PGF: variants seen among roughly 807,000 people sequenced by gnomAD.
PGF encodes the protein placenta growth factor.
A neutral mutation model predicts 25.3 loss-of-function variants in PGF; 11 were observed. The observed-to-expected ratio is 0.43, with a 90% CI of 0.27 to 0.72. PGF has a LOEUF of 0.72. PGF is among the 30% of genes least tolerant of loss of function. The probability of loss-of-function intolerance (pLI) is 0.18; values close to 1 mark genes in which losing one functional copy is unlikely to be tolerated. For missense variants in PGF, 230 were observed against 234.9 expected, an observed-to-expected ratio of 0.98 and a Z score of 0.14; for synonymous variants, 105 against 97.9, an observed-to-expected ratio of 1.07 and a Z score of -0.43.
intron 6 of PGF, chr14:74,945,929 T>A (rs1236467929): frequency 4.1e-6 from 2 of 491,694 alleles, no homozygotes; most frequent in East Asian, 6.8e-5. Context: ...TGACTGAATG[T>A]TTGCTGGACC....
chr14:74,947,167 T>C, intron 4 of PGF: 1 of 410,880 alleles, frequency 2.4e-6, no homozygotes. Context: ...CCTCTCCATA[T>C]TGGGCAAGTG....
chr14:74,954,218 A>G (rs999114559), intron 1 of PGF: 3 of 481,104 alleles, frequency 6.2e-6, no homozygotes, highest in African/African-American at 3.9e-5. Context: ...CTGCATCCCA[A>G]AGATCTTCCA....
chr14:74,946,919 A>G (rs928870776), intron 4 of PGF: 2 of 742,136 alleles, frequency 2.7e-6, no homozygotes, highest in African/African-American at 3.4e-5. Context: ...GTCACCAGGC[A>G]TGTCTGGGCT....
At chr14:74,948,709 C>A in intron 3 of PGF, 126 bp from the exon 4 acceptor site, 1 of 560,330 alleles carries the variant, frequency 1.8e-6, no homozygotes, top group Admixed American at 3.3e-5. Context: ...CAGGCCCTCA[C>A]TCCACTCTGA....
chr14:74,954,021 A>C, intron 1 of PGF, 75 bp from the exon 2 acceptor site: 1 of 1,494,528 alleles, frequency 6.7e-7, no homozygotes, highest in Admixed American at 1.7e-5. Context: ...TGTGATGGCA[A>C]GAAGGTAGGG....
Position 74,946,256 on chromosome 14 carries a change from CCCTGCCCTTGGGTCTCCT to C in PGF, c.424_441del (p.Arg142_Arg147del). ...CTCTGCTTCTCTCTCCTCCTCTTCC[CCCTGCCCTTGGGTCTCCT>C]CCTGCAATAAGCCAAGCGTCAGGAC... On this transcript the variant is annotated inframe_deletion and splice_region_variant, in exon 6 of 7. Coordinates refer to ENST00000555567, the MANE Select transcript of PGF (RefSeq NM_002632.6). 1 of 1,614,230 alleles carries C rather than the reference CCCTGCCCTTGGGTCTCCT, an allele frequency of 6.2e-7. No homozygotes were observed. The highest frequency in any genetic ancestry group is 8.5e-7 in the Non-Finnish European group (1 of 1,180,032).
chr14:74,954,705 C>T (rs61757877), intron 1 of PGF, among the ~76,000 whole-genome samples: 2 of 152,150 alleles, frequency 1.3e-5, no homozygotes, highest in South Asian at 2.1e-4. Context: ...CAGGAGCCCA[C>T]GGCTCAGTCC....
chr14:74,944,365 G>A (rs545356897), intron 6 of PGF, among the ~76,000 whole-genome samples: 1 of 152,068 alleles, frequency 6.6e-6, no homozygotes, highest in Non-Finnish European at 1.5e-5. Flanking sequence ...GCCTCCAAAA[G>A]TGCTGGGATT....
At chr14:74,954,370 T>G (rs1197336736) in intron 1 of PGF, 1 of 216,226 alleles carries the variant, frequency 4.6e-6, no homozygotes, top group African/African-American at 2.3e-5. Context: ...CGCCATGAGC[T>G]GGTGCAGCCG....
rs1333077617 is a variant in PGF, at chr14:74,946,026, C to T, written c.485+187G>A. ...GGTCAATGGAAACCTAGGGCTAAGCCGGGACAAAAACCAAGGTCCACTGAT... is the reference window on the plus strand; with the variant it reads ...GGTCAATGGAAACCTAGGGCTAAGCTGGGACAAAAACCAAGGTCCACTGAT... On this transcript the variant is annotated intron_variant, in intron 6 of 6. Transcript: ENST00000555567. 9 of 595,174 alleles carry T rather than the reference C, an allele frequency of 1.5e-5. No individual in the cohort carries two copies. In the Admixed American group the frequency reaches 1.8e-4, roughly 12 times the overall value. The allele number at this position is 595,174 out of a possible 1,614,324, so 36.9% of individuals were successfully genotyped here. A position where few individuals can be genotyped will look rare whatever the true frequency, so the allele number is the denominator to read the frequency against.
intron 3 of PGF, among the ~76,000 whole-genome samples, chr14:74,949,020 T>C (rs139302129): frequency 1.3e-5 from 2 of 152,330 alleles, no homozygotes; most frequent in African/African-American, 4.8e-5. Flanking sequence ...AGTAAACCAC[T>C]GCGTGTGTGA....
At chr14:74,949,666 G>A (rs1186940273) in intron 2 of PGF, 113 bp from the exon 3 acceptor site, 42 of 772,968 alleles carry the variant, frequency 5.4e-5, no homozygotes, top group Non-Finnish European at 7.4e-5. Flanking sequence ...AGCCCCATCC[G>A]AGCTCCCTCA....
intron 4 of PGF, chr14:74,946,808 A>T (rs1330706909): frequency 1.4e-6 from 1 of 734,432 alleles, no homozygotes; most frequent in Non-Finnish European, 2.5e-6. Flanking sequence ...TGATGGCCAG[A>T]CAGCGGACTG....
Position 74,951,897 on chromosome 14 carries a change from C to T in PGF, c.118+2007G>A, listed in dbSNP as rs368432625. Among the ~76,000 whole-genome samples, 33 of 152,174 alleles carry T rather than the reference C, an allele frequency of 2.2e-4. 1 individual carries two copies. Among genetic ancestry groups the T allele is most frequent in the African/African-American group, 7.2e-4 (30 of 41,510 alleles). ...AAACAAAAGGGGCTGGGTGAGGGGC[C>T]GGGCTGAGGGAGTACAGTGACCGCT... is the stretch of plus-strand genomic sequence containing the variant. On this transcript the variant is annotated intron_variant, in intron 2 of 6. Coordinates refer to ENST00000555567, the MANE Select transcript of PGF (RefSeq NM_002632.6).
At position 74,955,453 on chromosome 14, in the gene PGF, G is replaced by C. The variant is rs1272150174; in HGVS notation, c.-211C>G. The C allele has an allele frequency of 1.3e-5, 5 of 396,178 alleles. No homozygotes were observed. The highest frequency in any genetic ancestry group is 2.2e-5 in the Non-Finnish European group (5 of 224,148). The allele number at this position is 396,178 out of a possible 1,614,324, so 24.5% of individuals were successfully genotyped here. On this transcript the variant is annotated 5_prime_UTR_variant, in exon 1 of 7. Transcript: ENST00000555567. This position sits in a 1 kb window ranked among gnomAD's most constrained non-coding sequence, Gnocchi z 4.1. The stretch of plus-strand genomic sequence containing the variant: ...TAAGGCTGTGGCTGGGGAACCCGAC[G>C]GGGAGCGGCCCGGCGGGGCGGGGCG...
At chr14:74,949,327 G>A (rs61759377) in intron 3 of PGF, 30 bp downstream of exon 3, 14 of 1,456,254 alleles carry the variant, frequency 9.6e-6, no homozygotes, top group South Asian at 2.9e-5. Flanking sequence ...GGGCAGATTC[G>A]GTGGCCCCCT....
At chr14:74,947,021 C>A in intron 4 of PGF, 1 of 603,218 alleles carries the variant, frequency 1.7e-6, no homozygotes, top group Non-Finnish European at 3.0e-6. Context: ...CCTCAGTCTT[C>A]ACTGGGAACA....
In PGF at chr14:74,948,188, C is replaced by A. The variant is rs1382280909; in HGVS notation, c.392+319G>T. The A allele has an allele frequency of 1.1e-5, 3 of 264,640 alleles. No individual in the cohort carries two copies. The Admixed American group carries it at 1.6e-4, about 14-fold the overall frequency. The allele number at this position is 264,640 out of a possible 1,614,324, so 16.4% of individuals were successfully genotyped here. On this transcript the variant is annotated intron_variant, in intron 4 of 6. Transcript: ENST00000555567. Reference sequence around the variant, plus strand: ...TTCAGAGGCCCGTGGCAGCTGCCTCCCATCCCAGAGAAGGGGAACGACACG... The same window carrying A: ...TTCAGAGGCCCGTGGCAGCTGCCTCACATCCCAGAGAAGGGGAACGACACG...
rs750292775 is a variant in PGF, at chr14:74,948,520, G to T, written c.379C>A (p.Arg127Ser). The change falls in exon 4 of 7, where the codon CGC (arginine) becomes AGC (serine). Residue 127 changes from arginine to serine, a missense_variant. Physicochemically the swap from Arg to Ser is moderately radical, Grantham distance 110. Transcript: ENST00000555567. ...YVELTFSQHV[R>S]CECRPLREKM... ...CCGGAGACCTACCGGCATTCGCAGC[G>T]AACGTGCTGAGAGAACGTCAGCTCC... 1.5e-5 allele frequency: 24 copies of T among 1,595,642 alleles called. No homozygotes were observed. In the South Asian group the frequency reaches 2.3e-4, roughly 16 times the overall value.
Sources: gnomAD v4.1 joint callset for allele counts (sites outside exome capture counted in the v4.1 genomes callset) on GRCh38, gnomAD v4.1.1 for gene constraint, Gnocchi (gnomAD v3.1) non-coding constraint, MANE v1.5 for transcripts, NCBI Gene and HGNC (gene_info 2026-07-23, HGNC 2026-07-21) for gene names.